PTCD3: variants seen among roughly 807,000 people sequenced by gnomAD.
PTCD3 encodes the protein pentatricopeptide repeat domain 3.
In PTCD3, 89 loss-of-function variants were observed where a neutral mutation model predicts 101.9. The ratio of observed to expected loss-of-function variants is 0.87; its 90% CI spans 0.74 to 1.04. The LOEUF (loss-of-function observed/expected upper bound fraction) is 1.04, where lower values mean the gene tolerates loss of function less well. Among genes scored for constraint, PTCD3 ranks in the 50% least tolerant of loss-of-function variants. The pLI is 0.00. For synonymous variants in PTCD3, 296 were observed against 278.5 expected (o/e 1.06, Z -0.63); for missense variants, 870 against 828.2 (o/e 1.05, Z -0.62).
intron 12 of PTCD3, among the ~76,000 whole-genome samples, chr2:86,126,192 T>C (rs529240311): frequency 7.1e-6 from 1 of 140,584 alleles, no homozygotes; most frequent in South Asian, 2.2e-4. Context: ...ATCGCACCAC[T>C]GCACTCCAGC....
At chr2:86,132,243 C>G in intron 16 of PTCD3, 75 bp from the exon 17 acceptor site, 2 of 855,318 alleles carry the variant, frequency 2.3e-6, no homozygotes, top group African/African-American at 1.7e-5. Flanking sequence ...ACAAGACACT[C>G]TACTGTTGTT....
rs1172991683 is a variant in PTCD3, at chr2:86,139,637, A to T, written c.*2078A>T. ...GGGTAACAGTGAGACCCCCCTCCCTACAAAAGATTTTAATAATTAGTTGGG... is the reference window on the plus strand; with the variant it reads ...GGGTAACAGTGAGACCCCCCTCCCTTCAAAAGATTTTAATAATTAGTTGGG... On this transcript the variant is annotated 3_prime_UTR_variant, in exon 24 of 24. Coordinates refer to ENST00000254630, the MANE Select transcript of PTCD3 (RefSeq NM_017952.6). The T allele has an allele frequency of 6.6e-6, 1 of 152,152 alleles. No individual in the cohort carries two copies. Among genetic ancestry groups the T allele is most frequent in the African/African-American group, 2.4e-5 (1 of 41,400 alleles). 9.4% of individuals were successfully genotyped at this position (152,152 alleles called of 1,614,324 possible). A position where few individuals can be genotyped will look rare whatever the true frequency, so the allele number is the denominator to read the frequency against.
chr2:86,135,978 C>T (rs1296875779), intron 21 of PTCD3: 6 of 519,064 alleles, frequency 1.2e-5, no homozygotes, highest in African/African-American at 1.9e-5. Context: ...GGAGCACTTA[C>T]ATGAGACTGT....
chr2:86,134,501 A>ACAT (rs1466394835), intron 20 of PTCD3, 124 bp downstream of exon 20: 1 of 750,724 alleles, frequency 1.3e-6, no homozygotes, highest in Non-Finnish European at 2.2e-6. Flanking sequence ...GAGTGATGAT[A>ACAT]CATCTAAACA....
chr2:86,107,109 C>G (rs1381454624), intron 1 of PTCD3: 11 of 470,912 alleles, frequency 2.3e-5, no homozygotes, highest in Non-Finnish European at 4.4e-5. Flanking sequence ...TATATGTACT[C>G]TCCCTTAGTT....
intron 4 of PTCD3, chr2:86,112,042 CT>C (rs60504138): frequency 0.081 from 10,345 of 127,310 alleles, 1,006 homozygotes; most frequent in African/African-American, 0.24. Context: ...CTGCGCCAAA[CT>C]TTTTTTTTTT....
intron 21 of PTCD3, chr2:86,135,812 C>G (rs1280588871): frequency 1.9e-5 from 9 of 467,824 alleles, no homozygotes; most frequent in Non-Finnish European, 3.0e-5. Context: ...GTGACAGAGA[C>G]GTATGACATT....
intron 14 of PTCD3, among the ~76,000 whole-genome samples, chr2:86,129,489 A>G (rs1040266788): frequency 6.6e-6 from 1 of 152,050 alleles, no homozygotes; most frequent in African/African-American, 2.4e-5. Flanking sequence ...TAAACATGAA[A>G]AAAGTAGCTG....
In PTCD3 at chr2:86,111,150, G is replaced by C. The variant is rs1246171065; in HGVS notation, c.232G>C (p.Val78Leu). The C allele has an allele frequency of 5.6e-6, 9 of 1,612,994 alleles. No individual in the cohort carries two copies. The Admixed American group carries it at 1.5e-4, about 27-fold the overall frequency. ...VAVLQALAST[V>L]NRDTTAVPYV... ...CGTTCTTCAGGCACTTGCATCCACA[G>C]TAAACAGGGTAAGTAGGATTTTGTG... The change falls in exon 4 of 24, where the codon GTA (valine) becomes CTA (leucine). Residue 78 changes from valine (V) to leucine (L), a missense_variant. Coordinates refer to ENST00000254630, the MANE Select transcript of PTCD3 (RefSeq NM_017952.6).
chr2:86,112,989 G>A (rs1348169503), intron 4 of PTCD3, among the ~76,000 whole-genome samples: 1 of 152,130 alleles, frequency 6.6e-6, no homozygotes, highest in Non-Finnish European at 1.5e-5. Flanking sequence ...TCTGGGTCCT[G>A]GAGCCTACTG....
At chr2:86,131,507 C>T (rs1307490537) in intron 16 of PTCD3, among the ~76,000 whole-genome samples, 2 of 152,186 alleles carry the variant, frequency 1.3e-5, no homozygotes, top group African/African-American at 2.4e-5. Context: ...TGAGCCAACG[C>T]GCCTGGCCTA....
In PTCD3 at chr2:86,137,685, C is replaced by A; in HGVS notation, c.*126C>A. 7.1e-7 allele frequency: 1 copy of A among 1,403,206 alleles called. No individual in the cohort carries two copies. Among genetic ancestry groups the A allele is most frequent in the Non-Finnish European group, 9.7e-7 (1 of 1,034,536 alleles). 86.9% of individuals were successfully genotyped at this position (1,403,206 alleles called of 1,614,324 possible). ...AGATACAGATTTGGTGAATTTGTTA[C>A]TGTGAGGTACAGTCAGTACACAGCT... On this transcript the variant is annotated 3_prime_UTR_variant, in exon 24 of 24. Coordinates refer to ENST00000254630, the MANE Select transcript of PTCD3 (RefSeq NM_017952.6).
At chr2:86,110,500 A>G (rs928864313) in intron 3 of PTCD3, among the ~76,000 whole-genome samples, 5 of 152,246 alleles carry the variant, frequency 3.3e-5, no homozygotes, top group Non-Finnish European at 7.3e-5. Flanking sequence ...CTTGTCTGTC[A>G]TTTATTCCAG....
rs774838991 is a variant in PTCD3 at position 86,137,016 on chromosome 2, A to G, written c.1855A>G (p.Lys619Glu). The change falls in exon 23 of 24, where the codon AAA becomes GAA. Residue 619 changes from lysine to glutamate, a missense_variant. Coordinates refer to ENST00000254630, the MANE Select transcript of PTCD3 (RefSeq NM_017952.6). ...GCTGAATGAGCTTATGGACAGTGCA[A>G]AAGTGTCTAACAGCCCTTCCCAGGC... Reference protein sequence around the residue: ...ELLNELMDSAKVSNSPSQAIE... With the variant: ...ELLNELMDSAEVSNSPSQAIE... The G allele has an allele frequency of 4.3e-6, 7 of 1,613,730 alleles. No homozygotes were observed. The highest frequency in any genetic ancestry group is 5.1e-6 in the Non-Finnish European group (6 of 1,179,948).
At chr2:86,121,349 G>T in intron 7 of PTCD3, 130 bp from the exon 8 acceptor site, 1 of 544,538 alleles carries the variant, frequency 1.8e-6, no homozygotes, top group Non-Finnish European at 3.2e-6. Context: ...AGTGCATAAA[G>T]TAGTGGACAA....
At chr2:86,126,405 T>A (rs1319858699) in intron 12 of PTCD3, among the ~76,000 whole-genome samples, 1 of 152,110 alleles carries the variant, frequency 6.6e-6, no homozygotes, top group East Asian at 1.9e-4. Flanking sequence ...AGTATAGAGC[T>A]AGAATTCTGG....
Position 86,116,687 on chromosome 2 carries a change from A to G in PTCD3, c.309+89A>G. ...ATAATTTAGTTGTAATAACCTGGGA[A>G]AGGTTTACAAATGCTGAGAAATTGA... On this transcript the variant is annotated intron_variant, in intron 5 of 23. Transcript: ENST00000254630. 8 of 976,968 alleles carry G rather than the reference A, an allele frequency of 8.2e-6. No individual in the cohort carries two copies. In the South Asian group the frequency reaches 9.6e-5, roughly 12 times the overall value. The allele number at this position is 976,968 out of a possible 1,614,324, so 60.5% of individuals were successfully genotyped here.
rs774866085 is a variant in PTCD3 at position 86,136,967 on chromosome 2, G to C, written c.1821-15G>C. Reference sequence around the variant, plus strand: ...AGGGGCTGGAGAAAGTTCACACTTTGCCTTTCTTTTACAGAAGTGAGTTGC... The same window carrying C: ...AGGGGCTGGAGAAAGTTCACACTTTCCCTTTCTTTTACAGAAGTGAGTTGC... On this transcript the variant is annotated splice_polypyrimidine_tract_variant and intron_variant, in intron 22 of 23. Coordinates refer to ENST00000254630, the MANE Select transcript of PTCD3 (RefSeq NM_017952.6). 1.2e-6 allele frequency: 2 copies of C among 1,612,526 alleles called. No individual in the cohort carries two copies. The highest frequency in any genetic ancestry group is 3.3e-5 in the Admixed American group (2 of 59,940).
At chr2:86,115,428 A>G (rs1242150229) in intron 4 of PTCD3, among the ~76,000 whole-genome samples, 2 of 152,168 alleles carry the variant, frequency 1.3e-5, no homozygotes, top group African/African-American at 4.8e-5. Context: ...TTGGCTTTCC[A>G]TTAGTATAAT....
Sources: gnomAD v4.1 joint callset for allele counts (sites outside exome capture counted in the v4.1 genomes callset) on GRCh38, gnomAD v4.1.1 for gene constraint, MANE v1.5 for transcripts, NCBI Gene and HGNC (gene_info 2026-07-23, HGNC 2026-07-21) for gene names.